Variants in PITPNC1 observed in about 807,000 individuals in gnomAD.
PITPNC1 encodes the protein phosphatidylinositol transfer protein cytoplasmic 1, also known as cytoplasmic phosphatidylinositol transfer protein 1.
PITPNC1 carries 18 observed loss-of-function variants against 44.7 expected under a neutral mutation model. The observed-to-expected ratio is 0.40, with a 90% CI of 0.28 to 0.60. The LOEUF is 0.60. Among genes scored for constraint, PITPNC1 ranks in the 20% least tolerant of loss-of-function variants. The probability of loss-of-function intolerance (pLI) is 0.39; values close to 1 mark genes in which losing one functional copy is unlikely to be tolerated. For synonymous variants in PITPNC1, 141 were observed against 149.6 expected, an observed-to-expected ratio of 0.94 and a Z score of 0.42; for missense variants, 290 against 418.4, an observed-to-expected ratio of 0.69 and a Z score of 2.68.
chr17:67,580,556 G>T (rs2041216286), intron 5 of PITPNC1, among the ~76,000 whole-genome samples: 1 of 152,036 alleles, frequency 6.6e-6, no homozygotes, highest in Non-Finnish European at 1.5e-5. Flanking sequence ...GCCTAGGCTG[G>T]TCTCAAACTC....
At chr17:67,460,740 CTTTT>C (rs138545288) in intron 1 of PITPNC1, among the ~76,000 whole-genome samples, 4,329 of 120,934 alleles carry the variant, frequency 0.036, 70 homozygotes, top group African/African-American at 0.066. Context: ...TTCTTTCTTT[CTTTT>C]TTTTTTTTTT....
intron 1 of PITPNC1, among the ~76,000 whole-genome samples, chr17:67,480,232 A>G (rs2039684386): frequency 6.6e-6 from 1 of 152,194 alleles, no homozygotes; most frequent in Non-Finnish European, 1.5e-5. Context: ...CATGAATGGA[A>G]ATTCATCCAA....
intron 2 of PITPNC1, among the ~76,000 whole-genome samples, chr17:67,545,676 G>T (rs2040670423): frequency 6.6e-6 from 1 of 152,080 alleles, no homozygotes; most frequent in Non-Finnish European, 1.5e-5. Flanking sequence ...ATGTTTGAAA[G>T]ATGGCTCCTT....
At chr17:67,581,752 G>A (rs749340134) in intron 5 of PITPNC1, among the ~76,000 whole-genome samples, 1 of 152,150 alleles carries the variant, frequency 6.6e-6, no homozygotes, top group Admixed American at 6.5e-5. Context: ...GGAGCGTTGC[G>A]CCGAGGCACG....
At chr17:67,561,276 C>T (rs1209105576) in intron 4 of PITPNC1, among the ~76,000 whole-genome samples, 1 of 151,986 alleles carries the variant, frequency 6.6e-6, no homozygotes, top group Non-Finnish European at 1.5e-5. Flanking sequence ...GCCAACATGG[C>T]GAAACCCCAC....
At chr17:67,446,712 G>A (rs2039101379) in intron 1 of PITPNC1, among the ~76,000 whole-genome samples, 1 of 151,842 alleles carries the variant, frequency 6.6e-6, no homozygotes. Context: ...TGGGTCCATT[G>A]AATGGTGGGT....
At chr17:67,635,096 A>T (rs1041879121) in intron 6 of PITPNC1, among the ~76,000 whole-genome samples, 3 of 152,204 alleles carry the variant, frequency 2.0e-5, no homozygotes, top group African/African-American at 7.2e-5. Flanking sequence ...ATAATAATAA[A>T]TAATAAATGA....
chr17:67,416,077 G>A (rs2038583504), intron 1 of PITPNC1, among the ~76,000 whole-genome samples: 1 of 152,086 alleles, frequency 6.6e-6, no homozygotes, highest in African/African-American at 2.4e-5. Flanking sequence ...CACGTGGCGG[G>A]TGGCTAATGA....
chr17:67,459,122 T>C (rs1274220560), intron 1 of PITPNC1, among the ~76,000 whole-genome samples: 30 of 145,554 alleles, frequency 2.1e-4, no homozygotes, highest in East Asian at 1.8e-3. Context: ...TCTTTTTTTT[T>C]TTTTTTTTTT....
chr17:67,541,624 C>T (rs1401137920), intron 2 of PITPNC1, among the ~76,000 whole-genome samples: 1 of 152,168 alleles, frequency 6.6e-6, no homozygotes, highest in East Asian at 1.9e-4. Flanking sequence ...TCAGAACATA[C>T]TTGGAATATT....
At chr17:67,633,030 C>A (rs2041990550) in intron 6 of PITPNC1, among the ~76,000 whole-genome samples, 1 of 152,206 alleles carries the variant, frequency 6.6e-6, no homozygotes, top group Admixed American at 6.5e-5. Context: ...CAGGATCCAT[C>A]CTTTGCCTTA....
At chr17:67,547,090 T>G (rs1217938075) in intron 2 of PITPNC1, among the ~76,000 whole-genome samples, 3 of 152,198 alleles carry the variant, frequency 2.0e-5, no homozygotes, top group Non-Finnish European at 4.4e-5. Flanking sequence ...AATGAGGATA[T>G]GAAGGTAGCA....
intron 4 of PITPNC1, among the ~76,000 whole-genome samples, chr17:67,573,364 C>G (rs1429448578): frequency 6.6e-6 from 1 of 152,026 alleles, no homozygotes; most frequent in East Asian, 1.9e-4. Flanking sequence ...CCTGAGGGAT[C>G]TCCTGTAGGG....
chr17:67,598,470 G>C (rs2041489180), intron 5 of PITPNC1, among the ~76,000 whole-genome samples: 1 of 152,182 alleles, frequency 6.6e-6, no homozygotes, highest in South Asian at 2.1e-4. Flanking sequence ...ATCACCGCAA[G>C]GTGATGGCAT....
intron 1 of PITPNC1, among the ~76,000 whole-genome samples, chr17:67,460,303 G>A (rs1295945459): frequency 6.6e-6 from 1 of 152,130 alleles, no homozygotes; most frequent in African/African-American, 2.4e-5. Context: ...TCCGCTGCAG[G>A]GTTTAGCCTT....
chr17:67,580,769 C>A (rs544751580), intron 5 of PITPNC1, among the ~76,000 whole-genome samples: 10 of 152,272 alleles, frequency 6.6e-5, no homozygotes, highest in East Asian at 3.9e-4. Context: ...TGTAGAGAGG[C>A]CAGGTGCTAT....
chr17:67,582,312 G>A (rs903307267), intron 5 of PITPNC1, among the ~76,000 whole-genome samples: 5 of 152,066 alleles, frequency 3.3e-5, no homozygotes, highest in Non-Finnish European at 5.9e-5. Flanking sequence ...GTCTCACCGC[G>A]TTTCCAAACT....
chr17:67,419,816 G>A (rs1001008478), intron 1 of PITPNC1, among the ~76,000 whole-genome samples: 2 of 151,926 alleles, frequency 1.3e-5, no homozygotes, highest in Non-Finnish European at 2.9e-5. Flanking sequence ...TGAGGCAGAA[G>A]AATTGCTTAA....
Position 67,440,186 on chromosome 17 carries a change from A to G in PITPNC1, c.48+61984A>G, listed in dbSNP as rs374448201. 3.2e-4 allele frequency among the ~76,000 whole-genome samples: 49 copies of G among 152,344 alleles called. 1 individual carries two copies. In the South Asian group the frequency reaches 9.5e-3, roughly 30 times the overall value. On this transcript the variant is annotated intron_variant, in intron 1 of 8. Transcript: ENST00000581322. ...TCAGGGTAAATAATATTTTGATGCA[A>G]TATTTTTAAAAAATAAAAATTAATG...
Sources: allele counts gnomAD v4.1 joint callset (sites outside exome capture counted in the v4.1 genomes callset), GRCh38; gene constraint gnomAD v4.1.1; transcripts MANE v1.5; gene names NCBI Gene and HGNC (gene_info 2026-07-23, HGNC 2026-07-21).